Variants in FOXK2 observed in about 807,000 individuals in gnomAD.
FOXK2 encodes forkhead box protein K2.
FOXK2 carries 24 observed loss-of-function variants against 53.3 expected under a neutral mutation model. The observed-to-expected ratio is 0.45, with a 90% CI of 0.33 to 0.63. The LOEUF is 0.63. Ranked by LOEUF, FOXK2 falls within the 30% of genes least tolerant of loss-of-function variation. The pLI, the probability that FOXK2 is intolerant of heterozygous loss-of-function variation, is 0.03. For missense variants in FOXK2, 952 were observed against 910.5 expected, an observed-to-expected ratio of 1.05 and a Z score of -0.59; for synonymous variants, 505 against 407.1, an observed-to-expected ratio of 1.24 and a Z score of -2.89.
intron 6 of FOXK2, 114 bp from the exon 7 acceptor site, chr17:82,585,790 A>G (rs1053502341): frequency 4.9e-6 from 5 of 1,028,726 alleles, no homozygotes; most frequent in Non-Finnish European, 5.7e-6. Flanking sequence ...AAATAGGGCC[A>G]TATCCTATAT....
chr17:82,554,606 C>T (rs2044705550), intron 1 of FOXK2, among the ~76,000 whole-genome samples: 1 of 152,216 alleles, frequency 6.6e-6, no homozygotes, highest in East Asian at 1.9e-4. Context: ...CTTTCTGCCA[C>T]CTAGTGTTCC....
At chr17:82,571,463 C>T (rs750776194) in intron 3 of FOXK2, among the ~76,000 whole-genome samples, 31 of 151,870 alleles carry the variant, frequency 2.0e-4, no homozygotes, top group Admixed American at 9.2e-4. Flanking sequence ...TAGCCGGGCG[C>T]GGTGGCAGGC....
At chr17:82,590,022 G>T (rs1354558257) in intron 8 of FOXK2, among the ~76,000 whole-genome samples, 2 of 151,684 alleles carry the variant, frequency 1.3e-5, no homozygotes, top group Non-Finnish European at 2.9e-5. Context: ...CTCCAGCCTG[G>T]GCAACACAGC....
chr17:82,580,112 A>G (rs2045041302), intron 4 of FOXK2, among the ~76,000 whole-genome samples: 2 of 115,270 alleles, frequency 1.7e-5, no homozygotes, highest in African/African-American at 3.5e-5. Context: ...AAGTAGCTCC[A>G]TCCACAGGGC....
intron 1 of FOXK2, among the ~76,000 whole-genome samples, chr17:82,528,295 C>T (rs2044438327): frequency 6.6e-6 from 1 of 152,202 alleles, no homozygotes; most frequent in Middle Eastern, 3.4e-3. Flanking sequence ...GAAAATGTAA[C>T]TATTCCTGCT....
chr17:82,566,247 A>G (rs1054243159), intron 2 of FOXK2, among the ~76,000 whole-genome samples: 1 of 152,058 alleles, frequency 6.6e-6, no homozygotes, highest in Non-Finnish European at 1.5e-5. Context: ...TTACCACAAA[A>G]AAAAAAATAG....
At position 82,571,878 on chromosome 17, in the gene FOXK2, C is replaced by A; in HGVS notation, c.909+8C>A. The A allele has an allele frequency of 6.5e-7, 1 of 1,541,108 alleles. No individual in the cohort carries two copies. On this transcript the variant is annotated splice_region_variant and intron_variant, in intron 4 of 8. Transcript: ENST00000335255. ...GCGGACAAGGGCTGGCAGGTAAATG[C>A]CTTCAGTTTGTTGTTAAATAGAGGC...
intron 8 of FOXK2, 192 bp downstream of exon 8, chr17:82,587,464 G>T: frequency 1.6e-6 from 1 of 607,804 alleles, no homozygotes. Flanking sequence ...GATTCCCGTG[G>T]GAGGACCTGC....
At chr17:82,566,464 G>C (rs980415586) in intron 2 of FOXK2, among the ~76,000 whole-genome samples, 1 of 152,134 alleles carries the variant, frequency 6.6e-6, no homozygotes, top group Non-Finnish European at 1.5e-5. Context: ...AACTGAGTGG[G>C]CCAAATAGTA....
intron 8 of FOXK2, 124 bp downstream of exon 8, chr17:82,587,396 C>A: frequency 2.6e-6 from 2 of 771,700 alleles, no homozygotes; most frequent in Non-Finnish European, 4.3e-6. Flanking sequence ...GTTTGCATTT[C>A]GAAGCTGCAG....
chr17:82,572,012 G>T (rs756596974), intron 4 of FOXK2, 142 bp downstream of exon 4: 11 of 720,496 alleles, frequency 1.5e-5, no homozygotes, highest in Middle Eastern at 4.0e-4. Flanking sequence ...AAGAGGAGTT[G>T]GGGGCCGGTG....
intron 8 of FOXK2, chr17:82,601,083 G>T: frequency 2.0e-6 from 1 of 496,550 alleles, no homozygotes; most frequent in Non-Finnish European, 3.6e-6. Flanking sequence ...GGGGTCCCAA[G>T]GGCCCAGCCC....
At chr17:82,552,735 G>A (rs556018731) in intron 1 of FOXK2, among the ~76,000 whole-genome samples, 3 of 152,182 alleles carry the variant, frequency 2.0e-5, no homozygotes, top group South Asian at 2.1e-4. Context: ...GTTTTGTGCC[G>A]TGGACAATGA....
In FOXK2 at chr17:82,596,932, C is replaced by T. The variant is rs368346220; in HGVS notation, c.1787-4371C>T. Among the ~76,000 whole-genome samples the T allele has an allele frequency of 6.6e-5, 10 of 152,316 alleles. No individual in the cohort carries two copies. In the South Asian group the frequency reaches 1.0e-3, roughly 16 times the overall value. The stretch of plus-strand genomic sequence containing the variant: ...AAGTGCTGCTCCAAGTTACAGTCCC[C>T]GGGTTGTCAGGCGTGGCGAGAGCCC... On this transcript the variant is annotated intron_variant, in intron 8 of 8. Transcript: ENST00000335255.
intron 1 of FOXK2, among the ~76,000 whole-genome samples, chr17:82,535,100 G>A (rs1468596772): frequency 6.6e-6 from 1 of 152,164 alleles, no homozygotes; most frequent in African/African-American, 2.4e-5. Context: ...GGCTGGTCTC[G>A]AACTCCTGAC....
chr17:82,540,412 T>C (rs989098859), intron 1 of FOXK2, among the ~76,000 whole-genome samples: 9 of 152,216 alleles, frequency 5.9e-5, no homozygotes, highest in African/African-American at 9.6e-5. Flanking sequence ...GCACGATTGT[T>C]GTTTGTGGGT....
chr17:82,597,578 G>A (rs936579743), intron 8 of FOXK2, among the ~76,000 whole-genome samples: 7 of 152,234 alleles, frequency 4.6e-5, no homozygotes, highest in Non-Finnish European at 1.0e-4. Context: ...TCCACGTGGC[G>A]GAGTACCTCG....
intron 4 of FOXK2, 124 bp downstream of exon 4, chr17:82,571,994 C>A: frequency 2.1e-6 from 2 of 936,212 alleles, no homozygotes; most frequent in Non-Finnish European, 3.0e-6. Context: ...GCCTCCCGTG[C>A]TGAGAGGAAG....
rs754376099 is a variant in FOXK2, at chr17:82,587,126, A to C, written c.1640A>C (p.Gln547Pro). The part of the protein sequence containing the change: ...ATLGTASRII[Q>P]TAQTTPVQTV... ...CTCGGCACTGCCAGCCGGATCATTC[A>C]GACGGCACAGACCACCCCGGTCCAG... The change falls in exon 8 of 9, where the codon CAG becomes CCG. Residue 547 changes from glutamine (Q) to proline (P), a missense_variant. This residue lies in a region of FOXK2 where 551 missense variants were observed against 385.1 expected (regional missense o/e 1.43). Coordinates refer to ENST00000335255, the MANE Select transcript of FOXK2 (RefSeq NM_004514.4). 10 of 1,613,020 alleles carry C rather than the reference A, an allele frequency of 6.2e-6. No homozygotes were observed. The Admixed American group carries it at 1.7e-4, about 27-fold the overall frequency.
Sources: allele counts gnomAD v4.1 joint callset (sites outside exome capture counted in the v4.1 genomes callset), GRCh38; gene constraint gnomAD v4.1.1; regional missense constraint gnomAD v4.1.1; transcripts MANE v1.5; gene names NCBI Gene and HGNC (gene_info 2026-07-23, HGNC 2026-07-21).